Variants in UBE2E1 observed in about 807,000 individuals in gnomAD.
The protein encoded by UBE2E1 is ubiquitin-conjugating enzyme E2 E1.
In UBE2E1, 6 loss-of-function variants were observed where a neutral mutation model predicts 21.4. That is an observed-to-expected ratio of 0.28 (90% CI 0.15 to 0.55). The LOEUF is 0.55. Ranked by LOEUF, UBE2E1 falls within the 20% of genes least tolerant of loss-of-function variation. The probability of loss-of-function intolerance (pLI) is 0.93; values close to 1 mark genes in which losing one functional copy is unlikely to be tolerated. For missense variants in UBE2E1, 142 were observed against 236.5 expected, an observed-to-expected ratio of 0.60 and a Z score of 2.62; for synonymous variants, 87 against 82.7, an observed-to-expected ratio of 1.05 and a Z score of -0.28.
intron 5 of UBE2E1, among the ~76,000 whole-genome samples, 198 bp from the exon 6 acceptor site, chr3:23,890,311 T>A (rs1701361287): frequency 6.6e-6 from 1 of 152,174 alleles, no homozygotes; most frequent in African/African-American, 2.4e-5. Flanking sequence ...CACTAAAGCC[T>A]AAGCATTCCC....
intron 3 of UBE2E1, among the ~76,000 whole-genome samples, chr3:23,849,507 T>TACCCCTC (rs761131396): frequency 6.6e-6 from 1 of 152,132 alleles, no homozygotes; most frequent in South Asian, 2.1e-4. Flanking sequence ...TCCCTCCCCT[T>TACCCCTC]ACCCCTCACC....
At chr3:23,834,070 GAAATA>G (rs961226968) in intron 3 of UBE2E1, among the ~76,000 whole-genome samples, 21 of 152,218 alleles carry the variant, frequency 1.4e-4, no homozygotes, top group African/African-American at 4.8e-4. Context: ...TAAATAAAAA[GAAATA>G]AAATAAAACT....
Position 23,890,591 on chromosome 3 carries a change from G to GAT in UBE2E1, c.568_569insTA (p.Arg190IlefsTer36). On this transcript the variant is annotated frameshift_variant, in exon 6 of 6. Coordinates refer to ENST00000306627, the MANE Select transcript of UBE2E1 (RefSeq NM_003341.5). LOFTEE classifies it high-confidence loss of function. ...ACAGAATGGCCAGACAGTGGACCAA[G>GAT]AGATACGCTACATAAATTGGGGTTT... is the stretch of plus-strand genomic sequence containing the variant. The GAT allele has an allele frequency of 6.2e-7, 1 of 1,613,032 alleles. No individual in the cohort carries two copies. Among genetic ancestry groups the GAT allele is most frequent in the Non-Finnish European group, 8.5e-7 (1 of 1,179,474 alleles).
At chr3:23,829,352 A>C (rs1699820511) in intron 3 of UBE2E1, among the ~76,000 whole-genome samples, 1 of 148,006 alleles carries the variant, frequency 6.8e-6, no homozygotes, top group South Asian at 2.1e-4. Flanking sequence ...TAGAGACAGG[A>C]TCTCACTATG....
In UBE2E1 at chr3:23,887,764, T is replaced by C; in HGVS notation, c.336+65T>C. ...ACAAGAGAGCAACTGTTGAGGTTTT[T>C]CTAAATTTAATTTTTAATCACAGAA... On this transcript the variant is annotated intron_variant, in intron 4 of 5. Coordinates refer to ENST00000306627, the MANE Select transcript of UBE2E1 (RefSeq NM_003341.5). The surrounding 1 kb of genome is among the most constrained non-coding windows in gnomAD (Gnocchi z 4.4). The C allele has an allele frequency of 1.9e-6, 3 of 1,538,516 alleles. No individual in the cohort carries two copies. The highest frequency in any genetic ancestry group is 2.3e-5 in the Admixed American group (1 of 44,208).
intron 3 of UBE2E1, among the ~76,000 whole-genome samples, chr3:23,875,633 T>C (rs573221431): frequency 2.8e-4 from 42 of 152,356 alleles, no homozygotes; most frequent in Admixed American, 5.2e-4. Context: ...TTTGGAGGGC[T>C]TTGTTAGAAG....
chr3:23,850,010 G>A (rs1559484656), intron 3 of UBE2E1, among the ~76,000 whole-genome samples: 2 of 152,268 alleles, frequency 1.3e-5, no homozygotes, highest in Non-Finnish European at 2.9e-5. Context: ...TAATAGCAAT[G>A]ATGTTGAACA....
chr3:23,842,233 GTGTGTGTGTGTGT>G lies in UBE2E1; in HGVS notation c.203+30724_203+30736del, dbSNP rs1380718880. Among the ~76,000 whole-genome samples the G allele has an allele frequency of 1.2e-5, 1 of 82,336 alleles. No individual in the cohort carries two copies. Among genetic ancestry groups the G allele is most frequent in the African/African-American group, 4.4e-5 (1 of 22,818 alleles). 54.0% of individuals were successfully genotyped at this position (82,336 alleles called of 152,430 possible). On this transcript the variant is annotated intron_variant, in intron 3 of 5. Transcript: ENST00000306627. The surrounding 1 kb of genome is among the most constrained non-coding windows in gnomAD (Gnocchi z 4.6). Reference sequence around the variant, plus strand: ...TGTGTGTGTGTGTGTGTGTGTGTGTGTGTGTGTGTGTGTGTGGTGTTGTTGTTGTTGGCGACAG... The same window carrying G: ...TGTGTGTGTGTGTGTGTGTGTGTGTGGTGGTGTTGTTGTTGTTGGCGACAG...
chr3:23,879,157 G>C, intron 3 of UBE2E1: 1 of 688,460 alleles, frequency 1.5e-6, no homozygotes. Context: ...GTTATTTTAT[G>C]AAGTTAAGTT....
chr3:23,889,526 TCC>T, intron 5 of UBE2E1: 2 of 1,378,542 alleles, frequency 1.5e-6, no homozygotes, highest in South Asian at 1.7e-5. Context: ...TTATTCTTCC[TCC>T]TTTTTTTTTC....
rs753714632 is a variant in UBE2E1 at position 23,855,192 on chromosome 3, CCTT to C, written c.204-32371_204-32369del. Among the ~76,000 whole-genome samples, 7 of 152,260 alleles carry C rather than the reference CCTT, an allele frequency of 4.6e-5. No individual in the cohort carries two copies. In the East Asian group the frequency reaches 1.3e-3, roughly 29 times the overall value. On this transcript the variant is annotated intron_variant, in intron 3 of 5. Transcript: ENST00000306627. ...AGGTAGATCTCAAAAGTGTCTTTTT[CCTT>C]CTTATTGGTTAACTAAGGGACACAA...
At chr3:23,874,456 C>G (rs546651137) in intron 3 of UBE2E1, among the ~76,000 whole-genome samples, 131 of 152,240 alleles carry the variant, frequency 8.6e-4, no homozygotes, top group African/African-American at 2.9e-3. Flanking sequence ...ACTGAAGAAC[C>G]AGGACTAATA....
rs1699266205 is a variant in UBE2E1 at position 23,806,317 on chromosome 3, T to A, written c.-34+229T>A. Among the ~76,000 whole-genome samples the A allele has an allele frequency of 6.7e-6, 1 of 150,372 alleles. No individual in the cohort carries two copies. Among genetic ancestry groups the A allele is most frequent in the South Asian group, 2.1e-4 (1 of 4,792 alleles). On this transcript the variant is annotated intron_variant, in intron 1 of 5. Transcript: ENST00000306627. The surrounding 1 kb of genome is among the most constrained non-coding windows in gnomAD (Gnocchi z 6.5). ...GCGTGGGGTGCGGGGGCCGCCCGCA[T>A]TGAGGACGGGGGTCATTGTGGCTCG...
chr3:23,879,611 G>C (rs1700990516), intron 3 of UBE2E1: 3 of 228,068 alleles, frequency 1.3e-5, no homozygotes, highest in East Asian at 1.3e-4. Flanking sequence ...TCTTCACTCA[G>C]CGTCTGTCCT....
At chr3:23,839,473 A>AAAT (rs56960999) in intron 3 of UBE2E1, among the ~76,000 whole-genome samples, 4,480 of 150,950 alleles carry the variant, frequency 0.03, 93 homozygotes, top group Non-Finnish European at 0.045. Context: ...CAAAAAAAGA[A>AAAT]AATAATAATA....
chr3:23,850,869 G>A (rs1052904159), intron 3 of UBE2E1, among the ~76,000 whole-genome samples: 15 of 141,684 alleles, frequency 1.1e-4, no homozygotes, highest in African/African-American at 3.7e-4. Flanking sequence ...TTAAGAGACA[G>A]GGTTTTGCCG....
rs1459544796 is a variant in UBE2E1 at position 23,870,559 on chromosome 3, C to A, written c.204-17008C>A. On this transcript the variant is annotated intron_variant, in intron 3 of 5. Transcript: ENST00000306627. The surrounding 1 kb of genome is among the most constrained non-coding windows in gnomAD (Gnocchi z 4.2). The stretch of plus-strand genomic sequence containing the variant: ...AATCCTAAGGGATGTGTTGGTGAGG[C>A]ACTGACAGCTTCTGCTATAGTTTAT... Among the ~76,000 whole-genome samples the A allele has an allele frequency of 6.6e-6, 1 of 152,222 alleles. No homozygotes were observed. The highest frequency in any genetic ancestry group is 6.5e-5 in the Admixed American group (1 of 15,280).
At chr3:23,812,185 A>G (rs1304627626) in intron 3 of UBE2E1, among the ~76,000 whole-genome samples, 1 of 151,998 alleles carries the variant, frequency 6.6e-6, no homozygotes, top group African/African-American at 2.4e-5. Flanking sequence ...TGTTGAGTCA[A>G]GGTGGAAGAC....
chr3:23,811,886 T>G (rs1699400841), intron 3 of UBE2E1, among the ~76,000 whole-genome samples: 2 of 152,248 alleles, frequency 1.3e-5, no homozygotes, highest in Admixed American at 1.3e-4. Context: ...AATCTCTTAT[T>G]CAATCTCTGC....
Sources: gnomAD v4.1 joint callset for allele counts (sites outside exome capture counted in the v4.1 genomes callset) on GRCh38, gnomAD v4.1.1 for gene constraint, Gnocchi (gnomAD v3.1) non-coding constraint, MANE v1.5 for transcripts, NCBI Gene and HGNC (gene_info 2026-07-23, HGNC 2026-07-21) for gene names.